The following CEP112 variants were observed in gnomAD, a reference collection of about 807,000 sequenced individuals.
CEP112 encodes the protein centrosomal protein 112.
In CEP112, 127 loss-of-function variants were observed where a neutral mutation model predicts 153.0. The observed-to-expected ratio is 0.83, with a 90% CI of 0.72 to 0.96. The LOEUF is 0.96. CEP112 is among the 40% of genes least tolerant of loss of function. CEP112 has a pLI of 0.00. For missense variants in CEP112, 1,089 were observed against 1,101.2 expected, an observed-to-expected ratio of 0.99 and a Z score of 0.16; for synonymous variants, 358 against 374.4, an observed-to-expected ratio of 0.96 and a Z score of 0.51.
chr17:65,750,326 T>C (rs1598464385), intron 22 of CEP112, among the ~76,000 whole-genome samples: 1 of 152,200 alleles, frequency 6.6e-6, no homozygotes, highest in East Asian at 1.9e-4. Flanking sequence ...ACATCACAAA[T>C]GTAGGTGTGT....
chr17:65,658,078 C>T (rs2046148167), intron 24 of CEP112, among the ~76,000 whole-genome samples: 1 of 152,204 alleles, frequency 6.6e-6, no homozygotes, highest in Non-Finnish European at 1.5e-5. Context: ...TAATCTTTTA[C>T]ATACTGTGAT....
chr17:66,086,062 A>G (rs189653713), intron 8 of CEP112, among the ~76,000 whole-genome samples: 1 of 152,166 alleles, frequency 6.6e-6, no homozygotes, highest in African/African-American at 2.4e-5. Flanking sequence ...ATCCTAGAGA[A>G]TTTTAAAGAG....
intron 18 of CEP112, among the ~76,000 whole-genome samples, chr17:65,943,892 A>G (rs2061574216): frequency 6.6e-6 from 1 of 152,130 alleles, no homozygotes; most frequent in African/African-American, 2.4e-5. Flanking sequence ...GATAGTTCTC[A>G]GAGGTGTTGT....
At chr17:66,023,047 C>A (rs111283892) in intron 16 of CEP112, among the ~76,000 whole-genome samples, 16 of 151,842 alleles carry the variant, frequency 1.1e-4, no homozygotes, top group South Asian at 4.2e-4. Context: ...ATGAACAAAG[C>A]CTTTGAGAAG....
At chr17:66,105,882 C>T (rs938248300) in intron 6 of CEP112, among the ~76,000 whole-genome samples, 1 of 152,136 alleles carries the variant, frequency 6.6e-6, no homozygotes, top group Non-Finnish European at 1.5e-5. Context: ...TCCACAAGGA[C>T]AGACTGTATG....
At chr17:66,176,152 C>G (rs887173700) in intron 3 of CEP112, among the ~76,000 whole-genome samples, 2 of 152,266 alleles carry the variant, frequency 1.3e-5, no homozygotes, top group East Asian at 3.9e-4. Context: ...ATACATGACA[C>G]AAGAATTCTG....
In CEP112 at chr17:66,188,912, C is replaced by T. The variant is rs528027468; in HGVS notation, c.-9+3085G>A. On this transcript the variant is annotated intron_variant, in intron 1 of 26. Transcript: ENST00000535342. Reference sequence around the variant, plus strand: ...GCACAGCTCTGGCCTAGATGTACTCCGGGGCTTAAAGACTATATACTGCCC... The same window carrying T: ...GCACAGCTCTGGCCTAGATGTACTCTGGGGCTTAAAGACTATATACTGCCC... 2.6e-5 allele frequency among the ~76,000 whole-genome samples: 4 copies of T among 152,226 alleles called. No homozygotes were observed. In the South Asian group the frequency reaches 8.3e-4, roughly 32 times the overall value.
chr17:65,811,124 C>T (rs970886942), intron 21 of CEP112, among the ~76,000 whole-genome samples: 2 of 152,148 alleles, frequency 1.3e-5, no homozygotes, highest in African/African-American at 4.8e-5. Flanking sequence ...AGATAGTTAA[C>T]ATAAGTGTCT....
chr17:65,996,129 C>CGTGTGTGTGT (rs3055983), intron 17 of CEP112, among the ~76,000 whole-genome samples: 110 of 145,798 alleles, frequency 7.5e-4, no homozygotes, highest in South Asian at 1.1e-3. Flanking sequence ...GAAAAATATA[C>CGTGTGTGTGT]GTGTGTGTGT....
At chr17:65,921,401 G>C (rs1760985423) in intron 19 of CEP112, among the ~76,000 whole-genome samples, 1 of 151,696 alleles carries the variant, frequency 6.6e-6, no homozygotes, top group Non-Finnish European at 1.5e-5. Context: ...AGTGGTCAGG[G>C]GAAACACTGT....
chr17:66,136,306 G>A (rs2070432879), intron 4 of CEP112, among the ~76,000 whole-genome samples: 1 of 152,108 alleles, frequency 6.6e-6, no homozygotes, highest in Non-Finnish European at 1.5e-5. Flanking sequence ...TCTCCCTGGG[G>A]AACGAAAAAG....
chr17:66,131,479 C>T (rs900801067), intron 5 of CEP112, among the ~76,000 whole-genome samples: 5 of 152,142 alleles, frequency 3.3e-5, no homozygotes, highest in African/African-American at 7.2e-5. Flanking sequence ...CAGTGGCTCA[C>T]GCCTGTCATC....
chr17:65,696,960 G>A (rs940230131), intron 23 of CEP112, among the ~76,000 whole-genome samples: 3 of 152,148 alleles, frequency 2.0e-5, no homozygotes, highest in Admixed American at 6.5e-5. Flanking sequence ...TTTACCCCAT[G>A]AATGTTTTGA....
chr17:65,978,178 G>C (rs962668892), intron 17 of CEP112, among the ~76,000 whole-genome samples: 2 of 152,098 alleles, frequency 1.3e-5, no homozygotes, highest in African/African-American at 4.8e-5. Context: ...GATCACTTGA[G>C]CCCAGAGGTT....
intron 20 of CEP112, among the ~76,000 whole-genome samples, chr17:65,900,351 TGAG>T (rs2059801382): frequency 6.6e-6 from 1 of 152,144 alleles, no homozygotes; most frequent in South Asian, 2.1e-4. Flanking sequence ...TTACAGCATT[TGAG>T]GAGGTCATAT....
At chr17:65,974,068 G>A (rs1220815796) in intron 17 of CEP112, among the ~76,000 whole-genome samples, 4 of 151,456 alleles carry the variant, frequency 2.6e-5, no homozygotes, top group East Asian at 1.9e-4. Context: ...AAAAGGCTTC[G>A]CTGTTTTCTT....
chr17:65,638,045 C>T (rs969996159), intron 25 of CEP112, among the ~76,000 whole-genome samples: 1 of 152,228 alleles, frequency 6.6e-6, no homozygotes, highest in Non-Finnish European at 1.5e-5. Context: ...GATGCTTAAT[C>T]TGTGAAATGG....
At chr17:66,032,715 C>A (rs1478660895) in intron 12 of CEP112, among the ~76,000 whole-genome samples, 2 of 152,120 alleles carry the variant, frequency 1.3e-5, no homozygotes, top group Non-Finnish European at 2.9e-5. Context: ...AAATAACAGG[C>A]ATACCAAGAA....
intron 23 of CEP112, among the ~76,000 whole-genome samples, chr17:65,713,685 C>T (rs1196801142): frequency 2.0e-5 from 3 of 152,170 alleles, no homozygotes; most frequent in African/African-American, 7.2e-5. Context: ...CTGCTGGGTT[C>T]ACACCATTCT....
Sources: allele counts gnomAD v4.1 joint callset (sites outside exome capture counted in the v4.1 genomes callset), GRCh38; gene constraint gnomAD v4.1.1; transcripts MANE v1.5; gene names NCBI Gene and HGNC (gene_info 2026-07-23, HGNC 2026-07-21).